SLC14A2: variants seen among roughly 807,000 people sequenced by gnomAD.
The protein encoded by SLC14A2 is urea transporter 2.
In SLC14A2, 91 loss-of-function variants were observed where a neutral mutation model predicts 104.6. The ratio of observed to expected loss-of-function variants is 0.87; its 90% CI spans 0.73 to 1.04. SLC14A2 has a LOEUF of 1.04. Ranked by LOEUF, SLC14A2 falls within the 50% of genes least tolerant of loss-of-function variation. SLC14A2 has a pLI of 0.00. For synonymous variants in SLC14A2, 476 were observed against 466.4 expected (o/e 1.02, Z -0.27); for missense variants, 1,189 against 1,156.0 (o/e 1.03, Z -0.41).
chr18:45,252,792 CT>C (rs745363624), intron 1 of SLC14A2, among the ~76,000 whole-genome samples: 3,759 of 126,888 alleles, frequency 0.03, 56 homozygotes, highest in East Asian at 0.072. Context: ...GCAATATTGA[CT>C]TTTTTTTTTT....
chr18:45,177,788 T>C, the SLC14A2 span, among the ~76,000 whole-genome samples: 21 of 152,146 alleles, frequency 1.4e-4, no homozygotes, highest in Non-Finnish European at 2.8e-4. Flanking sequence ...GTGCTTGGCA[T>C]AGAGTAGACA....
At chr18:45,326,657 T>C (rs2085237358) in intron 1 of SLC14A2, among the ~76,000 whole-genome samples, 1 of 152,206 alleles carries the variant, frequency 6.6e-6, no homozygotes, top group African/African-American at 2.4e-5. Flanking sequence ...GGTTACTGTG[T>C]GAAAGGGCAG....
At chr18:45,494,903 C>A (rs1000281743) in intron 2 of SLC14A2, among the ~76,000 whole-genome samples, 4 of 85,692 alleles carry the variant, frequency 4.7e-5, no homozygotes, top group African/African-American at 1.9e-4. Flanking sequence ...CGGGTCATCA[C>A]ACACACACAC....
intron 1 of SLC14A2, among the ~76,000 whole-genome samples, chr18:45,340,577 C>G (rs1359755199): frequency 6.6e-6 from 1 of 152,170 alleles, no homozygotes. Context: ...GTAAGTAATT[C>G]AAGGTATATT....
At chr18:45,331,493 C>A (rs1431442432) in intron 1 of SLC14A2, among the ~76,000 whole-genome samples, 1 of 151,878 alleles carries the variant, frequency 6.6e-6, no homozygotes, top group South Asian at 2.1e-4. Flanking sequence ...AGATCGAGAC[C>A]ATCCTGGCTA....
chr18:45,285,245 G>T (rs11082438), intron 1 of SLC14A2, among the ~76,000 whole-genome samples: 12,233 of 152,084 alleles, frequency 0.08, 706 homozygotes, highest in African/African-American at 0.15. Context: ...AGATTGTATG[G>T]TCTAATCCTT....
intron 1 of SLC14A2, among the ~76,000 whole-genome samples, chr18:45,266,849 T>C (rs940869391): frequency 5.9e-5 from 9 of 152,134 alleles, no homozygotes; most frequent in African/African-American, 1.7e-4. Flanking sequence ...GTAAGGAATA[T>C]AGTGTGTGAT....
chr18:45,413,186 A>T (rs1490668434), intron 1 of SLC14A2, among the ~76,000 whole-genome samples: 1 of 152,212 alleles, frequency 6.6e-6, no homozygotes, highest in Non-Finnish European at 1.5e-5. Context: ...AGCTTATGTT[A>T]TCTAATGCTA....
intron 1 of SLC14A2, among the ~76,000 whole-genome samples, chr18:45,414,416 G>A (rs1270058636): frequency 6.6e-6 from 1 of 151,908 alleles, no homozygotes; most frequent in East Asian, 1.9e-4. Context: ...TGGGAACAGG[G>A]GACTCTTCTG....
intron 1 of SLC14A2, among the ~76,000 whole-genome samples, chr18:45,266,724 T>C (rs2084595628): frequency 2.6e-5 from 4 of 152,192 alleles, no homozygotes; most frequent in Admixed American, 1.3e-4. Flanking sequence ...AAATCATATA[T>C]ACAACTGTGT....
In SLC14A2 at chr18:45,560,414, T is replaced by C. The variant is rs117607737; in HGVS notation, c.-34-64217T>C. 8.3e-3 allele frequency among the ~76,000 whole-genome samples: 1,265 copies of C among 152,248 alleles called. 8 individuals carry two copies. The highest frequency in any genetic ancestry group is 0.014 in the Non-Finnish European group (982 of 68,026). On this transcript the variant is annotated intron_variant, in intron 2 of 20. Transcript: ENST00000586448. ...CTTTCCCACTGCCACCTCCTTTTTATCCATATACCTCAGGGATTTAGCCCC... is the reference window on the plus strand; with the variant it reads ...CTTTCCCACTGCCACCTCCTTTTTACCCATATACCTCAGGGATTTAGCCCC...
chr18:45,523,054 G>T (rs1056692150), intron 2 of SLC14A2, among the ~76,000 whole-genome samples: 3 of 152,174 alleles, frequency 2.0e-5, no homozygotes, highest in Admixed American at 1.3e-4. Flanking sequence ...AGTGGTCTAC[G>T]GCAAGCTGTA....
At position 45,682,469 on chromosome 18, in the gene SLC14A2, A is replaced by G; in HGVS notation, c.2713A>G (p.Asn905Asp). ...CATCTACTACCTGTCCCAGGAGAGAAACAGAAGGGCATCAATCATAACAAA... is the reference window on the plus strand; with the variant it reads ...CATCTACTACCTGTCCCAGGAGAGAGACAGAAGGGCATCAATCATAACAAA... ...NRIYYLSQERNRRASIITKYQ... is the reference protein window; with the variant it reads ...NRIYYLSQERDRRASIITKYQ... Residue 905 changes from asparagine (N) to aspartate (D), a missense_variant, in exon 20 of 20, where the codon AAC becomes GAC. By Grantham distance (23) the Asn-to-Asp change is conservative (BLOSUM62 1). Transcript: ENST00000255226. 6.2e-7 allele frequency: 1 copy of G among 1,614,172 alleles called. No homozygotes were observed. The highest frequency in any genetic ancestry group is 8.5e-7 in the Non-Finnish European group (1 of 1,180,018).
At chr18:45,362,476 G>A (rs1055154804) in intron 1 of SLC14A2, among the ~76,000 whole-genome samples, 7 of 152,094 alleles carry the variant, frequency 4.6e-5, no homozygotes, top group African/African-American at 9.7e-5. Flanking sequence ...AGGGCTATTC[G>A]CATCCAGCCC....
intron 1 of SLC14A2, among the ~76,000 whole-genome samples, chr18:45,300,130 GA>G (rs1283228756): frequency 6.6e-6 from 1 of 151,908 alleles, no homozygotes; most frequent in Non-Finnish European, 1.5e-5. Context: ...CACGAGAAAG[GA>G]AAAAAACAAG....
At chr18:45,656,894 G>A (rs191904543) in intron 10 of SLC14A2, among the ~76,000 whole-genome samples, 77 of 152,282 alleles carry the variant, frequency 5.1e-4, no homozygotes, top group African/African-American at 1.8e-3. Context: ...GATGAGTCTC[G>A]CTTCTTTCAA....
chr18:45,267,172 T>C lies in SLC14A2; in HGVS notation c.-125+53981T>C, dbSNP rs910193080. ...GACAACACATCCGGACACAGGCCTG[T>C]CCTGTAGAGTCACGTTTTCAAACAT... On this transcript the variant is annotated intron_variant, in intron 1 of 20. Transcript: ENST00000586448. 2.0e-5 allele frequency among the ~76,000 whole-genome samples: 3 copies of C among 152,120 alleles called. No homozygotes were observed. The South Asian group carries it at 6.2e-4, about 32-fold the overall frequency.
chr18:45,465,859 T>A (rs1312797982), intron 1 of SLC14A2, among the ~76,000 whole-genome samples: 1 of 151,204 alleles, frequency 6.6e-6, no homozygotes, highest in Non-Finnish European at 1.5e-5. Flanking sequence ...AAGTATAAAA[T>A]GGAGAAAAGT....
At chr18:45,373,132 T>G (rs2085740200) in intron 1 of SLC14A2, among the ~76,000 whole-genome samples, 1 of 152,174 alleles carries the variant, frequency 6.6e-6, no homozygotes, top group African/African-American at 2.4e-5. Context: ...AGCTCCTCCA[T>G]AAGAACAGGG....
Sources: allele counts gnomAD v4.1 joint callset (sites outside exome capture counted in the v4.1 genomes callset), GRCh38; gene constraint gnomAD v4.1.1; transcripts MANE v1.5; gene names NCBI Gene and HGNC (gene_info 2026-07-23, HGNC 2026-07-21).